RPTOR: variants seen among roughly 807,000 people sequenced by gnomAD.
The protein encoded by RPTOR is regulatory-associated protein of mTOR.
A neutral mutation model predicts 169.9 loss-of-function variants in RPTOR; 21 were observed. The observed-to-expected ratio is 0.12, with a 90% confidence interval of 0.09 to 0.18. The LOEUF (loss-of-function observed/expected upper bound fraction) is 0.18, where lower values mean the gene tolerates loss of function less well. RPTOR is among the 10% of genes least tolerant of loss of function. RPTOR has a pLI of 1.00. For synonymous variants in RPTOR, 732 were observed against 753.2 expected, an observed-to-expected ratio of 0.97 and a Z score of 0.46; for missense variants, 1,133 against 1,855.9, an observed-to-expected ratio of 0.61 and a Z score of 7.16.
At chr17:80,864,224 A>G (rs1193101822) in intron 13 of RPTOR, among the ~76,000 whole-genome samples, 1 of 152,226 alleles carries the variant, frequency 6.6e-6, no homozygotes, top group Non-Finnish European at 1.5e-5. Flanking sequence ...GAGAAATTCA[A>G]AAGTCTAAAG....
At chr17:80,566,823 C>CAAAAAAAAAAA (rs56295360) in intron 1 of RPTOR, among the ~76,000 whole-genome samples, 5 of 83,998 alleles carry the variant, frequency 6.0e-5, no homozygotes, top group African/African-American at 2.5e-4. Context: ...GACTCCGTCT[C>CAAAAAAAAAAA]AAAAAAAAAA....
At chr17:80,950,623 C>G (rs1280132499) in intron 28 of RPTOR, among the ~76,000 whole-genome samples, 1 of 152,148 alleles carries the variant, frequency 6.6e-6, no homozygotes, top group Non-Finnish European at 1.5e-5. Context: ...CTCTGCTTCC[C>G]CTGCGAGGCA....
chr17:80,780,262 C>T (rs753994111), intron 6 of RPTOR, among the ~76,000 whole-genome samples: 12 of 152,080 alleles, frequency 7.9e-5, no homozygotes, highest in Non-Finnish European at 1.8e-4. Context: ...GTTCTGGGCA[C>T]GTCAGCTTCC....
intron 24 of RPTOR, among the ~76,000 whole-genome samples, chr17:80,931,791 G>A (rs1009133794): frequency 6.6e-6 from 1 of 152,146 alleles, no homozygotes; most frequent in Non-Finnish European, 1.5e-5. Flanking sequence ...CAGAGTCTGG[G>A]CTAGAGCAAC....
intron 1 of RPTOR, among the ~76,000 whole-genome samples, chr17:80,549,509 C>T (rs983788300): frequency 6.6e-6 from 1 of 152,076 alleles, no homozygotes; most frequent in African/African-American, 2.4e-5. Flanking sequence ...GACGGGGTTT[C>T]ACTATGTTGG....
At chr17:80,546,574 C>G (rs1314025919) in intron 1 of RPTOR, among the ~76,000 whole-genome samples, 2 of 152,154 alleles carry the variant, frequency 1.3e-5, no homozygotes, top group Non-Finnish European at 2.9e-5. Context: ...AGTACTGCTT[C>G]TCCTCTATGC....
chr17:80,555,913 G>A (rs2084401697), intron 1 of RPTOR, among the ~76,000 whole-genome samples: 1 of 152,136 alleles, frequency 6.6e-6, no homozygotes, highest in Non-Finnish European at 1.5e-5. Context: ...GGCACCAAGT[G>A]GAGAGGAGTT....
chr17:80,709,283 G>T (rs560955580), intron 4 of RPTOR, among the ~76,000 whole-genome samples: 35 of 152,300 alleles, frequency 2.3e-4, no homozygotes, highest in Non-Finnish European at 4.1e-4. Flanking sequence ...ACCACCAGGC[G>T]TGCACCACAG....
intron 2 of RPTOR, among the ~76,000 whole-genome samples, chr17:80,634,640 T>C (rs2065484849): frequency 7.9e-6 from 1 of 126,478 alleles, no homozygotes. Context: ...ACTGTGTGTG[T>C]GCATACTGTA....
intron 9 of RPTOR, among the ~76,000 whole-genome samples, chr17:80,834,626 A>C (rs531394341): frequency 6.6e-6 from 1 of 152,342 alleles, no homozygotes; most frequent in Non-Finnish European, 1.5e-5. Context: ...AACATGGGTC[A>C]CGTGTCCGAG....
intron 28 of RPTOR, among the ~76,000 whole-genome samples, chr17:80,954,093 C>G (rs1313925733): frequency 1.3e-5 from 2 of 152,198 alleles, no homozygotes; most frequent in African/African-American, 4.8e-5. Context: ...TCCCAACTAG[C>G]TGGACCACAG....
At chr17:80,929,309 G>C (rs907790798) in intron 24 of RPTOR, among the ~76,000 whole-genome samples, 1 of 152,200 alleles carries the variant, frequency 6.6e-6, no homozygotes, top group Non-Finnish European at 1.5e-5. Flanking sequence ...GAGGAGGCTT[G>C]GCCAGTTACA....
chr17:80,710,571 ATGTGTGTGTGTGTG>A lies in RPTOR; in HGVS notation c.507+2600_507+2613del, dbSNP rs59732457. On this transcript the variant is annotated intron_variant, in intron 4 of 33. Transcript: ENST00000306801. Reference sequence around the variant, plus strand: ...TGATTTGCCTCCCTTGGTTATTTGTATGTGTGTGTGTGTGTGTGTGTGTGTGTGTGTGTGTGTGT... The same window carrying A: ...TGATTTGCCTCCCTTGGTTATTTGTATGTGTGTGTGTGTGTGTGTGTGTGT... Among the ~76,000 whole-genome samples the A allele has an allele frequency of 2.2e-4, 32 of 145,122 alleles. No individual in the cohort carries two copies. In the South Asian group the frequency reaches 3.5e-3, roughly 16 times the overall value.
rs1238831013 is a variant in RPTOR at position 80,936,142 on chromosome 17, G to A, written c.2920-4354G>A. Among the ~76,000 whole-genome samples the A allele has an allele frequency of 2.0e-5, 3 of 152,096 alleles. No individual in the cohort carries two copies. Among genetic ancestry groups the A allele is most frequent in the East Asian group, 1.9e-4 (1 of 5,198 alleles). On this transcript the variant is annotated intron_variant, in intron 24 of 33. Coordinates refer to ENST00000306801, the MANE Select transcript of RPTOR (RefSeq NM_020761.3). This position sits in a 1 kb window ranked among gnomAD's most constrained non-coding sequence, Gnocchi z 4.1. ...AAGGATCTTAATCACGGGAAAGTAC[G>A]GACCCCTGCAGTGAGATCCCACTAC...
chr17:80,773,935 G>A (rs955361931), intron 6 of RPTOR: 7 of 984,556 alleles, frequency 7.1e-6, no homozygotes, highest in East Asian at 1.1e-4. Flanking sequence ...AGGGCTATGC[G>A]GCCTGCCCTG....
At chr17:80,589,262 T>G (rs905096776) in intron 1 of RPTOR, among the ~76,000 whole-genome samples, 1 of 152,162 alleles carries the variant, frequency 6.6e-6, no homozygotes, top group Non-Finnish European at 1.5e-5. Flanking sequence ...AGGCCGTCTT[T>G]GCGGGAACTA....
At chr17:80,930,300 TTCAGCTCATCCCCAGCTCAGCTCA>T (rs2068868182) in intron 24 of RPTOR, among the ~76,000 whole-genome samples, 2 of 4,802 alleles carry the variant, frequency 4.2e-4, no homozygotes, top group African/African-American at 1.4e-3. Flanking sequence ...TTAGCTCATC[TTCAGCTCATCCCCAGCTCAGCTCA>T]GCTCATCCTC....
chr17:80,795,353 G>C (rs941221557), intron 7 of RPTOR, among the ~76,000 whole-genome samples: 1 of 152,186 alleles, frequency 6.6e-6, no homozygotes, highest in Non-Finnish European at 1.5e-5. Context: ...ATTTTCATCA[G>C]ACGCCCTTTC....
chr17:80,661,363 G>A (rs979778676), intron 3 of RPTOR, among the ~76,000 whole-genome samples: 3 of 152,220 alleles, frequency 2.0e-5, no homozygotes, highest in Non-Finnish European at 4.4e-5. Flanking sequence ...GAGAGGCAGA[G>A]GTGGAGGCCG....
Sources: gnomAD v4.1 joint callset for allele counts (sites outside exome capture counted in the v4.1 genomes callset) on GRCh38, gnomAD v4.1.1 for gene constraint, Gnocchi (gnomAD v3.1) non-coding constraint, MANE v1.5 for transcripts, NCBI Gene and HGNC (gene_info 2026-07-23, HGNC 2026-07-21) for gene names.